The following EEPD1 variants were observed in gnomAD, a reference collection of about 807,000 sequenced individuals.
EEPD1 encodes the protein endonuclease/exonuclease/phosphatase family domain containing 1.
A neutral mutation model predicts 46.3 loss-of-function variants in EEPD1; 17 were observed. That is an observed-to-expected ratio of 0.37 (90% CI 0.25 to 0.55). The LOEUF (loss-of-function observed/expected upper bound fraction) is 0.55, where lower values mean the gene tolerates loss of function less well. Ranked by LOEUF, EEPD1 falls within the 20% of genes least tolerant of loss-of-function variation. The pLI, the probability that EEPD1 is intolerant of heterozygous loss-of-function variation, is 0.83. For synonymous variants in EEPD1, 313 were observed against 315.6 expected (o/e 0.99, Z 0.09); for missense variants, 673 against 745.6 (o/e 0.90, Z 1.13).
chr7:36,164,748 T>C (rs1019209936), intron 2 of EEPD1, among the ~76,000 whole-genome samples: 8 of 152,194 alleles, frequency 5.3e-5, no homozygotes, highest in Non-Finnish European at 8.8e-5. Flanking sequence ...CCCAGAAGAT[T>C]ATAATGGAAC....
At chr7:36,247,785 A>C (rs943170389) in intron 3 of EEPD1, among the ~76,000 whole-genome samples, 7 of 152,334 alleles carry the variant, frequency 4.6e-5, no homozygotes, top group African/African-American at 1.7e-4. Context: ...TAGCAGGCAT[A>C]CTGGACGATC....
At chr7:36,288,727 A>G (rs993259068) in intron 6 of EEPD1, among the ~76,000 whole-genome samples, 5 of 150,884 alleles carry the variant, frequency 3.3e-5, no homozygotes, top group Non-Finnish European at 5.9e-5. Flanking sequence ...GCACCACTGT[A>G]CTCCAGTCTG....
chr7:36,192,320 A>G (rs1785474285), intron 2 of EEPD1, among the ~76,000 whole-genome samples: 1 of 152,236 alleles, frequency 6.6e-6, no homozygotes, highest in Non-Finnish European at 1.5e-5. Flanking sequence ...AACTCCTTGT[A>G]TCACGTGAAT....
chr7:36,222,072 G>A (rs1283900064), intron 2 of EEPD1, among the ~76,000 whole-genome samples: 1 of 151,610 alleles, frequency 6.6e-6, no homozygotes, highest in East Asian at 2.0e-4. Context: ...ACAACATGGG[G>A]GTTAGGGGAG....
intron 2 of EEPD1, among the ~76,000 whole-genome samples, chr7:36,210,703 T>C (rs944165115): frequency 6.6e-6 from 1 of 152,152 alleles, no homozygotes; most frequent in African/African-American, 2.4e-5. Context: ...ATCAAGCTTC[T>C]TCCCACCTGC....
chr7:36,214,106 A>G (rs1785985752), intron 2 of EEPD1, among the ~76,000 whole-genome samples: 1 of 152,150 alleles, frequency 6.6e-6, no homozygotes, highest in Non-Finnish European at 1.5e-5. Context: ...AGATCTAGAA[A>G]GAGCAAGCTG....
chr7:36,249,034 C>CACACACACAT (rs3221650), intron 3 of EEPD1, among the ~76,000 whole-genome samples: 10 of 151,664 alleles, frequency 6.6e-5, no homozygotes, highest in African/African-American at 1.5e-4. Context: ...CACACACACA[C>CACACACACAT]ATTTTCTCCT....
At chr7:36,168,875 C>T (rs1202061479) in intron 2 of EEPD1, among the ~76,000 whole-genome samples, 1 of 152,042 alleles carries the variant, frequency 6.6e-6, no homozygotes, top group Admixed American at 6.5e-5. Context: ...GGGGGTACTG[C>T]CCTGCAAGCG....
chr7:36,205,066 C>G (rs546860166), intron 2 of EEPD1, among the ~76,000 whole-genome samples: 98 of 152,304 alleles, frequency 6.4e-4, no homozygotes, highest in African/African-American at 2.0e-3. Flanking sequence ...CCAGTTCATT[C>G]CCACTCCCCC....
At chr7:36,159,323 A>C (rs1206400640) in intron 2 of EEPD1, among the ~76,000 whole-genome samples, 1 of 152,178 alleles carries the variant, frequency 6.6e-6, no homozygotes, top group South Asian at 2.1e-4. Context: ...TGATTGATAC[A>C]TGGTTGTATT....
chr7:36,281,118 T>C lies in EEPD1; in HGVS notation c.934T>C (p.Cys312Arg), dbSNP rs747758527. 4 of 1,613,992 alleles carry C rather than the reference T, an allele frequency of 2.5e-6. No individual in the cohort carries two copies. The African/African-American group carries it at 5.3e-5, about 22-fold the overall frequency. Residue 312 changes from cysteine (C) to arginine (R), a missense_variant, in exon 4 of 8, where the codon TGC becomes CGC. Cys to Arg is a radical substitution (Grantham distance 180). Coordinates refer to ENST00000242108, the MANE Select transcript of EEPD1 (RefSeq NM_030636.3). ...LLDREALEKF[C>R]TELNQPTLPN... ...GACCTGTGCTCTGTCTTTGCAGTTC[T>C]GCACGGAGCTAAACCAGCCGACCCT...
At chr7:36,266,991 C>T (rs1043532551) in intron 3 of EEPD1, among the ~76,000 whole-genome samples, 5 of 152,224 alleles carry the variant, frequency 3.3e-5, no homozygotes, top group Non-Finnish European at 7.3e-5. Flanking sequence ...ACATTTGGGT[C>T]ATTTCCATCT....
chr7:36,252,040 C>G (rs1398089987), intron 3 of EEPD1, among the ~76,000 whole-genome samples: 1 of 152,194 alleles, frequency 6.6e-6, no homozygotes, highest in East Asian at 1.9e-4. Context: ...GGGGAACCTG[C>G]ATCCACTGCC....
chr7:36,208,868 G>T (rs1785871717), intron 2 of EEPD1, among the ~76,000 whole-genome samples: 1 of 152,172 alleles, frequency 6.6e-6, no homozygotes, highest in Non-Finnish European at 1.5e-5. Flanking sequence ...AGATTCTCAG[G>T]CCCTGCCCAT....
In EEPD1 at chr7:36,154,008, T is replaced by A. The variant is rs1452652733; in HGVS notation, c.-192-125T>A. 5.2e-6 allele frequency: 2 copies of A among 385,294 alleles called. No individual in the cohort carries two copies. The highest frequency in any genetic ancestry group is 9.6e-6 in the Non-Finnish European group (2 of 209,006). 23.9% of individuals were successfully genotyped at this position (385,294 alleles called of 1,614,324 possible). A position where few individuals can be genotyped will look rare whatever the true frequency, so the allele number is the denominator to read the frequency against. On this transcript the variant is annotated intron_variant, in intron 1 of 7. Coordinates refer to ENST00000242108, the MANE Select transcript of EEPD1 (RefSeq NM_030636.3). The surrounding 1 kb of genome is among the most constrained non-coding windows in gnomAD (Gnocchi z 4.2). Reference sequence around the variant, plus strand: ...GGGCCTAGCCTCATTGTGCCTGCGTTTTTAGGGGTTCACGGGCAGCCACCA... The same window carrying A: ...GGGCCTAGCCTCATTGTGCCTGCGTATTTAGGGGTTCACGGGCAGCCACCA...
chr7:36,192,632 A>C (rs1014881648), intron 2 of EEPD1, among the ~76,000 whole-genome samples: 4 of 152,252 alleles, frequency 2.6e-5, no homozygotes, highest in Non-Finnish European at 5.9e-5. Flanking sequence ...TACCCGGCGA[A>C]GGCCTGTGTC....
rs749902092 is a variant in EEPD1 at position 36,284,772 on chromosome 7, C to T, written c.1128C>T (p.Asn376=). 41 of 1,594,376 alleles carry T rather than the reference C, an allele frequency of 2.6e-5. No homozygotes were observed. Among genetic ancestry groups the T allele is most frequent in the Admixed American group, 1.4e-4 (8 of 58,122 alleles). ...DAGSQESSPS[N]GHGKLAGPSP... ...GTTCACAGGAGAGCTCGCCAAGCAA[C>T]GGGCACGGGAAGCTGGCGGGCCCCA... Residue 376 remains asparagine (N), a synonymous_variant, in exon 5 of 8, where the codon AAC becomes AAT. Transcript: ENST00000242108.
chr7:36,266,035 A>C (rs1178097675), intron 3 of EEPD1, among the ~76,000 whole-genome samples: 2 of 152,112 alleles, frequency 1.3e-5, no homozygotes, highest in African/African-American at 4.8e-5. Flanking sequence ...AAACCTTAGA[A>C]TCTATGGAAG....
intron 2 of EEPD1, among the ~76,000 whole-genome samples, chr7:36,231,525 C>T (rs576191031): frequency 6.6e-6 from 1 of 152,276 alleles, no homozygotes; most frequent in African/African-American, 2.4e-5. Flanking sequence ...CCCGGATCTA[C>T]TGGTCCATGT....
Sources: allele counts gnomAD v4.1 joint callset (sites outside exome capture counted in the v4.1 genomes callset), GRCh38; gene constraint gnomAD v4.1.1; non-coding constraint Gnocchi (gnomAD v3.1); transcripts MANE v1.5; gene names NCBI Gene and HGNC (gene_info 2026-07-23, HGNC 2026-07-21).